KIF3B: variants seen among roughly 807,000 people sequenced by gnomAD.
KIF3B encodes kinesin-like protein KIF3B.
KIF3B carries 38 observed loss-of-function variants against 74.3 expected under a neutral mutation model. That is an observed-to-expected ratio of 0.51 (90% CI 0.39 to 0.67). The LOEUF (loss-of-function observed/expected upper bound fraction) is 0.67, where lower values mean the gene tolerates loss of function less well. KIF3B is among the 30% of genes least tolerant of loss of function. KIF3B has a pLI of 0.00. For synonymous variants in KIF3B, 326 were observed against 342.5 expected (o/e 0.95, Z 0.53); for missense variants, 649 against 932.0 (o/e 0.70, Z 3.95).
At chr20:32,318,248 G>C (rs564413607) in intron 5 of KIF3B, among the ~76,000 whole-genome samples, 7 of 151,556 alleles carry the variant, frequency 4.6e-5, no homozygotes, top group African/African-American at 1.7e-4. Flanking sequence ...GTTGCAGTGA[G>C]CTGAGATCAC....
At chr20:32,329,868 G>T (rs1318730556) in intron 7 of KIF3B, among the ~76,000 whole-genome samples, 2 of 151,988 alleles carry the variant, frequency 1.3e-5, no homozygotes, top group Non-Finnish European at 2.9e-5. Context: ...GTCTCTCTTG[G>T]CAGCCAGAGC....
At chr20:32,277,988 G>A (rs1015575548) in intron 1 of KIF3B, among the ~76,000 whole-genome samples, 5 of 152,146 alleles carry the variant, frequency 3.3e-5, no homozygotes, top group Admixed American at 1.3e-4. Context: ...ACCTTGGGTC[G>A]CAGCCCACCT....
At chr20:32,312,027 T>A (rs1401793805) in intron 2 of KIF3B, among the ~76,000 whole-genome samples, 1 of 151,800 alleles carries the variant, frequency 6.6e-6, no homozygotes, top group Non-Finnish European at 1.5e-5. Flanking sequence ...GGTCTCGAAC[T>A]CCTGACCTCA....
In KIF3B at chr20:32,326,839, A is replaced by G. The variant is rs749948702; in HGVS notation, c.1817A>G (p.Asp606Gly). The G allele has an allele frequency of 6.3e-7, 1 of 1,594,116 alleles. No individual in the cohort carries two copies. Among genetic ancestry groups the G allele is most frequent in the African/African-American group, 1.3e-5 (1 of 74,434 alleles). ...AAAATTATGAATAGAGCCTTCTTTGATGAAGAGGAAGATCATTGGAAACTA... is the reference window on the plus strand; with the variant it reads ...AAAATTATGAATAGAGCCTTCTTTGGTGAAGAGGAAGATCATTGGAAACTA... ...KSKIMNRAFF[D>G]EEEDHWKLHP... The change falls in exon 6 of 9, where the codon GAT (aspartate) becomes GGT (glycine). Residue 606 changes from aspartate (D) to glycine (G), a missense_variant. Asp to Gly is a moderately conservative substitution (Grantham distance 94). Transcript: ENST00000375712.
At chr20:32,281,581 G>A (rs982505363) in intron 1 of KIF3B, among the ~76,000 whole-genome samples, 1 of 152,194 alleles carries the variant, frequency 6.6e-6, no homozygotes, top group African/African-American at 2.4e-5. Context: ...GCTGGGTGTG[G>A]TGGCACGTGC....
chr20:32,330,367 G>C (rs774011359), intron 8 of KIF3B, 48 bp downstream of exon 8: 1 of 1,543,132 alleles, frequency 6.5e-7, no homozygotes, highest in Admixed American at 1.8e-5. Context: ...GTTTGAACAA[G>C]GACAAACCAA....
rs746925417 is a variant in KIF3B, at chr20:32,310,284, G to T, written c.507G>T (p.Arg169Ser). 1 of 1,613,934 alleles carries T rather than the reference G, an allele frequency of 6.2e-7. No homozygotes were observed. Residue 169 changes from arginine to serine, a missense_variant, in exon 2 of 9, where the codon AGG becomes AGT. Transcript: ENST00000375712. The surrounding 1 kb of genome is among the most constrained non-coding windows in gnomAD (Gnocchi z 6.5). ...CCAAAAGGCTTGAGCTCAAAGAGAG[G>T]CCTGACACAGGAGTGTATGTGAAAG... ...DQTKRLELKE[R>S]PDTGVYVKDL...
intron 1 of KIF3B, among the ~76,000 whole-genome samples, chr20:32,299,574 C>A (rs2122675117): frequency 6.6e-6 from 1 of 150,574 alleles, no homozygotes; most frequent in East Asian, 2.0e-4. Context: ...GCATGCCCTG[C>A]TAATTTTTGT....
In KIF3B at chr20:32,316,909, A is replaced by T. The variant is rs192552459; in HGVS notation, c.1748+35A>T. The stretch of plus-strand genomic sequence containing the variant: ...AGGCCTTCCATAGTGCCCCCAAGCC[A>T]CTTGCTGAGTCATTGATCTCGTTTG... On this transcript the variant is annotated intron_variant, in intron 5 of 8. Coordinates refer to ENST00000375712, the MANE Select transcript of KIF3B (RefSeq NM_004798.4). 1.3e-5 allele frequency: 18 copies of T among 1,412,174 alleles called. No individual in the cohort carries two copies. In the African/African-American group the frequency reaches 2.4e-4, roughly 19 times the overall value. 87.5% of individuals were successfully genotyped at this position (1,412,174 alleles called of 1,614,324 possible). A position where few individuals can be genotyped will look rare whatever the true frequency, so the allele number is the denominator to read the frequency against.
At chr20:32,302,519 C>CTTCT (rs10664636) in intron 1 of KIF3B, among the ~76,000 whole-genome samples, 52,178 of 151,890 alleles carry the variant, frequency 0.34, 10,204 homozygotes, top group East Asian at 0.74. Flanking sequence ...GGCTTTCTTT[C>CTTCT]TTCTTTCATA....
chr20:32,294,192 A>G (rs1161282466), intron 1 of KIF3B, among the ~76,000 whole-genome samples: 1 of 152,226 alleles, frequency 6.6e-6, no homozygotes, highest in African/African-American at 2.4e-5. Flanking sequence ...ATGTTTTACA[A>G]TTGAATGCCA....
chr20:32,311,879 T>C (rs543928569), intron 2 of KIF3B, among the ~76,000 whole-genome samples: 1 of 149,782 alleles, frequency 6.7e-6, no homozygotes, highest in Non-Finnish European at 1.5e-5. Context: ...CTCGGCTCAC[T>C]GCAACGTCTG....
intron 1 of KIF3B, among the ~76,000 whole-genome samples, chr20:32,280,736 A>G (rs909256329): frequency 4.0e-5 from 6 of 151,132 alleles, no homozygotes; most frequent in African/African-American, 1.5e-4. Context: ...AAAAAAAAAA[A>G]AAAAGAAAGA....
chr20:32,330,437 A>G (rs2047924857), intron 8 of KIF3B, 118 bp downstream of exon 8: 3 of 837,100 alleles, frequency 3.6e-6, no homozygotes, highest in Non-Finnish European at 5.6e-6. Context: ...ATATTGCCAT[A>G]TTACTCCTAT....
At chr20:32,327,482 G>T (rs1374592000) in intron 6 of KIF3B, 74 bp from the exon 7 acceptor site, 2 of 1,230,202 alleles carry the variant, frequency 1.6e-6, no homozygotes, top group African/African-American at 3.0e-5. Context: ...CTTGCTTCAG[G>T]TTCTGTCAGT....
At chr20:32,322,603 G>A (rs1488934332) in intron 5 of KIF3B, among the ~76,000 whole-genome samples, 14 of 117,790 alleles carry the variant, frequency 1.2e-4, no homozygotes, top group South Asian at 4.8e-4. Flanking sequence ...GCGAGAATCC[G>A]TCTCAAAAAA....
Position 32,299,034 on chromosome 20 carries a change from A to G in KIF3B, c.-65-10679A>G, listed in dbSNP as rs189970564. ...GCACCGTATTTTTTTGTAAATTCCT[A>G]ATCGTAACTGTCACTCTGCAGCTTT... On this transcript the variant is annotated intron_variant, in intron 1 of 8. Transcript: ENST00000375712. 2.6e-3 allele frequency among the ~76,000 whole-genome samples: 390 copies of G among 152,106 alleles called. 3 individuals carry two copies. Among genetic ancestry groups the G allele is most frequent in the Non-Finnish European group, 8.5e-4 (58 of 67,988 alleles).
At chr20:32,330,365 A>C (rs1391947520) in intron 8 of KIF3B, 46 bp downstream of exon 8, 20 of 1,555,348 alleles carry the variant, frequency 1.3e-5, no homozygotes, top group Non-Finnish European at 1.8e-5. Flanking sequence ...ATGTTTGAAC[A>C]AGGACAAACC....
rs950076478 is a variant in KIF3B at position 32,332,537 on chromosome 20, T to C, written c.*1218T>C. On this transcript the variant is annotated 3_prime_UTR_variant, in exon 9 of 9. Coordinates refer to ENST00000375712, the MANE Select transcript of KIF3B (RefSeq NM_004798.4). Reference sequence around the variant, plus strand: ...ATAGGCTCAAAGGAGAGTTCAGAATTCCCATTTACATATTACTAGTTTGGT... The same window carrying C: ...ATAGGCTCAAAGGAGAGTTCAGAATCCCCATTTACATATTACTAGTTTGGT... The C allele has an allele frequency of 3.9e-5, 6 of 152,264 alleles. No homozygotes were observed. Among genetic ancestry groups the C allele is most frequent in the Admixed American group, 3.9e-4 (6 of 15,286 alleles). 9.4% of individuals were successfully genotyped at this position (152,264 alleles called of 1,614,324 possible). A position where few individuals can be genotyped will look rare whatever the true frequency, so the allele number is the denominator to read the frequency against.
Sources: gnomAD v4.1 joint callset for allele counts (sites outside exome capture counted in the v4.1 genomes callset) on GRCh38, gnomAD v4.1.1 for gene constraint, Gnocchi (gnomAD v3.1) non-coding constraint, MANE v1.5 for transcripts, NCBI Gene and HGNC (gene_info 2026-07-23, HGNC 2026-07-21) for gene names.